Variants in GLMN observed in about 807,000 individuals in gnomAD.
The protein encoded by GLMN is glomulin, FKBP associated protein.
GLMN carries 75 observed loss-of-function variants against 87.8 expected under a neutral mutation model. The observed-to-expected ratio is 0.85, with a 90% CI of 0.71 to 1.04. The LOEUF (loss-of-function observed/expected upper bound fraction) is 1.04, where lower values mean the gene tolerates loss of function less well. Ranked by LOEUF, GLMN falls within the 50% of genes least tolerant of loss-of-function variation. GLMN has a pLI of 0.00. For synonymous variants in GLMN, 206 were observed against 221.6 expected (o/e 0.93, Z 0.63); for missense variants, 588 against 658.8 (o/e 0.89, Z 1.18).
the GLMN span, among the ~76,000 whole-genome samples, chr1:92,359,540 G>A: frequency 2.0e-5 from 3 of 152,120 alleles, no homozygotes; most frequent in Non-Finnish European, 2.9e-5. Context: ...GGCTGGTCCC[G>A]AACTTCTGAC....
At chr1:92,347,216 A>G in the GLMN span, among the ~76,000 whole-genome samples, 2 of 152,342 alleles carry the variant, frequency 1.3e-5, no homozygotes, top group East Asian at 1.9e-4. Flanking sequence ...TGTCATTTCT[A>G]CTATTCAGTG....
At chr1:92,355,776 G>T in the GLMN span, among the ~76,000 whole-genome samples, 2 of 152,166 alleles carry the variant, frequency 1.3e-5, no homozygotes, top group East Asian at 3.9e-4. Context: ...ACTCATTGGA[G>T]TGTTTCAGAT....
chr1:92,331,593 G>A, the GLMN span, among the ~76,000 whole-genome samples: 2 of 152,034 alleles, frequency 1.3e-5, no homozygotes, highest in African/African-American at 4.8e-5. Flanking sequence ...TGGACAATTA[G>A]CACCTTAGCA....
the GLMN span, chr1:92,323,885 C>T: frequency 1.9e-6 from 3 of 1,613,838 alleles, no homozygotes; most frequent in African/African-American, 4.0e-5. Context: ...TACAGTAGGT[C>T]AGAAATAACT....
At chr1:92,359,919 A>AACAG in the GLMN span, among the ~76,000 whole-genome samples, 1 of 152,158 alleles carries the variant, frequency 6.6e-6, no homozygotes, top group South Asian at 2.1e-4. Flanking sequence ...AGGGAGGGGA[A>AACAG]ACAGACACTT....
At chr1:92,307,081 G>C in the GLMN span, 3 of 751,264 alleles carry the variant, frequency 4.0e-6, no homozygotes, top group African/African-American at 5.3e-5. Context: ...AGATCTGTAG[G>C]TTTCCATTTT....
chr1:92,284,092 A>C (rs1350712821), intron 7 of GLMN, among the ~76,000 whole-genome samples: 2 of 152,198 alleles, frequency 1.3e-5, no homozygotes, highest in African/African-American at 4.8e-5. Flanking sequence ...GCTACCACTG[A>C]CTTTCTTCAC....
In GLMN at chr1:92,297,388, C is replaced by T. The variant is rs372201818; in HGVS notation, c.165+16G>A. 1.3e-5 allele frequency: 21 copies of T among 1,609,664 alleles called. No homozygotes were observed. Among genetic ancestry groups the T allele is most frequent in the African/African-American group, 4.0e-5 (3 of 74,696 alleles). On this transcript the variant is annotated intron_variant, in intron 3 of 18. Transcript: ENST00000370360. Reference sequence around the variant, plus strand: ...TCTTCCCAAGACTGAAAAGTAAACACCAAGATTGTACGCACCTTATTCTTT... The same window carrying T: ...TCTTCCCAAGACTGAAAAGTAAACATCAAGATTGTACGCACCTTATTCTTT...
At chr1:92,350,040 ACACT>A in the GLMN span, among the ~76,000 whole-genome samples, 1 of 152,230 alleles carries the variant, frequency 6.6e-6, no homozygotes, top group Admixed American at 6.5e-5. Context: ...TGATCATTGC[ACACT>A]CAATGAAATG....
the GLMN span, among the ~76,000 whole-genome samples, chr1:92,310,494 T>C: frequency 6.6e-6 from 1 of 152,228 alleles, no homozygotes; most frequent in Admixed American, 6.5e-5. Context: ...TTTTAAATGG[T>C]GGCATGTAGT....
At chr1:92,349,808 G>C in the GLMN span, among the ~76,000 whole-genome samples, 5 of 152,114 alleles carry the variant, frequency 3.3e-5, no homozygotes, top group African/African-American at 1.2e-4. Flanking sequence ...TATGTCTGTA[G>C]TCCTAGCTAC....
the GLMN span, among the ~76,000 whole-genome samples, chr1:92,306,269 T>C: frequency 6.6e-6 from 1 of 152,300 alleles, no homozygotes; most frequent in South Asian, 2.1e-4. Context: ...TAAAAAGAGT[T>C]CTAAAGATGA....
At chr1:92,312,418 C>CAAAAAAAA in the GLMN span, among the ~76,000 whole-genome samples, 1 of 146,742 alleles carries the variant, frequency 6.8e-6, no homozygotes, top group African/African-American at 2.5e-5. Flanking sequence ...GACCGTGTCT[C>CAAAAAAAA]AAAAAAAAAA....
the GLMN span, among the ~76,000 whole-genome samples, chr1:92,325,532 C>T: frequency 1.3e-5 from 2 of 151,990 alleles, no homozygotes; most frequent in African/African-American, 4.8e-5. Context: ...AAAAAATAAT[C>T]CCTGAAATTT....
chr1:92,269,758 C>G lies in GLMN; in HGVS notation c.942G>C (p.Gln314His). 6.2e-7 allele frequency: 1 copy of G among 1,606,418 alleles called. No individual in the cohort carries two copies. The highest frequency in any genetic ancestry group is 8.5e-7 in the Non-Finnish European group (1 of 1,173,204). The stretch of plus-strand genomic sequence containing the variant: ...AGACTTCAATGTGCCCCATATTAAA[C>G]TGCAAAAGGTACAATGGGCTAAAAT... ...PMVLSPLYLL[Q>H]FNMGHIEVFL... Residue 314 changes from glutamine to histidine, a missense_variant, in exon 9 of 19, where the codon CAG becomes CAC. Transcript: ENST00000370360.
At chr1:92,310,360 C>T in the GLMN span, among the ~76,000 whole-genome samples, 1 of 152,182 alleles carries the variant, frequency 6.6e-6, no homozygotes, top group East Asian at 1.9e-4. Context: ...TTTTTAAAAG[C>T]TTGTCTAGCT....
At chr1:92,335,060 G>A in the GLMN span, among the ~76,000 whole-genome samples, 5 of 152,246 alleles carry the variant, frequency 3.3e-5, no homozygotes, top group South Asian at 2.1e-4. Flanking sequence ...GTGGAGGATC[G>A]CTTGAGCACG....
the GLMN span, among the ~76,000 whole-genome samples, chr1:92,319,463 C>A: frequency 6.6e-6 from 1 of 152,178 alleles, no homozygotes; most frequent in Non-Finnish European, 1.5e-5. Context: ...ATGCATTTTT[C>A]TTCTACTAAA....
chr1:92,253,055 C>T (rs1302837782), intron 16 of GLMN, among the ~76,000 whole-genome samples: 1 of 152,156 alleles, frequency 6.6e-6, no homozygotes, highest in East Asian at 1.9e-4. Context: ...CCCAGGTTTC[C>T]CCTTTCTTCT....
Sources: gnomAD v4.1 joint callset for allele counts (sites outside exome capture counted in the v4.1 genomes callset) on GRCh38, gnomAD v4.1.1 for gene constraint, MANE v1.5 for transcripts, NCBI Gene and HGNC (gene_info 2026-07-23, HGNC 2026-07-21) for gene names.